Variants in SLC9A9 observed in about 807,000 individuals in gnomAD.
The protein encoded by SLC9A9 is solute carrier family 9 member A9.
Under a neutral mutation model 77.8 loss-of-function variants are expected in SLC9A9, and 62 were observed. The ratio of observed to expected loss-of-function variants is 0.80; its 90% CI spans 0.65 to 0.98. SLC9A9 has a LOEUF of 0.98. SLC9A9 is among the 50% of genes least tolerant of loss of function. SLC9A9 has a pLI of 0.00. For synonymous variants in SLC9A9, 320 were observed against 283.5 expected (o/e 1.13, Z -1.29); for missense variants, 775 against 774.9 (o/e 1.00, Z 0.00).
At chr3:143,555,215 A>C (rs573421246) in intron 8 of SLC9A9, among the ~76,000 whole-genome samples, 2 of 152,252 alleles carry the variant, frequency 1.3e-5, no homozygotes, top group East Asian at 3.9e-4. Flanking sequence ...CTTGGCTGTC[A>C]TATCTCTCTT....
At chr3:143,687,437 A>T (rs1189566224) in intron 5 of SLC9A9, among the ~76,000 whole-genome samples, 1 of 152,104 alleles carries the variant, frequency 6.6e-6, no homozygotes, top group Non-Finnish European at 1.5e-5. Context: ...TTTAGCAGAG[A>T]GTGGGTTCGG....
chr3:143,765,676 G>A (rs2007291081), intron 4 of SLC9A9, among the ~76,000 whole-genome samples: 3 of 152,150 alleles, frequency 2.0e-5, no homozygotes, highest in Admixed American at 6.6e-5. Flanking sequence ...CCTGGGCCCT[G>A]TACAGTCAAA....
intron 4 of SLC9A9, among the ~76,000 whole-genome samples, chr3:143,745,058 CT>C (rs1480262963): frequency 2.0e-5 from 3 of 152,172 alleles, no homozygotes; most frequent in Non-Finnish European, 4.4e-5. Context: ...ATGCCAGAAG[CT>C]TTTTAAAAAG....
In SLC9A9 at chr3:143,495,463, A is replaced by G. The variant is rs1419637694; in HGVS notation, c.1090-15T>C. 4 of 1,576,652 alleles carry G rather than the reference A, an allele frequency of 2.5e-6. No homozygotes were observed. The highest frequency in any genetic ancestry group is 1.3e-5 in the African/African-American group (1 of 74,166). On this transcript the variant is annotated splice_polypyrimidine_tract_variant and intron_variant, in intron 9 of 15. Coordinates refer to ENST00000316549, the MANE Select transcript of SLC9A9 (RefSeq NM_173653.4). Reference sequence around the variant, plus strand: ...AATTCAAACAACTGAAACAAAACATAAAACAAAAAACCATTAATTATAACT... The same window carrying G: ...AATTCAAACAACTGAAACAAAACATGAAACAAAAAACCATTAATTATAACT...
chr3:143,590,194 T>G (rs2108677412), intron 6 of SLC9A9, among the ~76,000 whole-genome samples: 1 of 152,332 alleles, frequency 6.6e-6, no homozygotes, highest in African/African-American at 2.4e-5. Context: ...TTAGAGTAAC[T>G]ACTTATCTGT....
chr3:143,743,134 G>C lies in SLC9A9; in HGVS notation c.534-49827C>G, dbSNP rs1228371466. 2.0e-5 allele frequency among the ~76,000 whole-genome samples: 3 copies of C among 151,992 alleles called. No individual in the cohort carries two copies. The South Asian group carries it at 6.3e-4, about 32-fold the overall frequency. ...TAACAGGCTCCACCAGTAGGAAAGG[G>C]ACATCAGTATTAGTCGGGGTTTTCC... On this transcript the variant is annotated intron_variant, in intron 4 of 15. Coordinates refer to ENST00000316549, the MANE Select transcript of SLC9A9 (RefSeq NM_173653.4).
intron 12 of SLC9A9, among the ~76,000 whole-genome samples, chr3:143,446,470 G>C (rs2108549109): frequency 6.6e-6 from 1 of 152,256 alleles, no homozygotes; most frequent in South Asian, 2.1e-4. Flanking sequence ...AGGTAAATGG[G>C]TTAGGGCACT....
intron 6 of SLC9A9, among the ~76,000 whole-genome samples, chr3:143,620,204 A>G (rs1348875124): frequency 1.3e-5 from 2 of 152,172 alleles, no homozygotes; most frequent in Non-Finnish European, 2.9e-5. Flanking sequence ...AAAATATACC[A>G]TATATCTGAT....
intron 6 of SLC9A9, among the ~76,000 whole-genome samples, chr3:143,589,008 C>T (rs1470948093): frequency 1.3e-5 from 2 of 152,138 alleles, no homozygotes; most frequent in African/African-American, 4.8e-5. Context: ...GGTTAATAGC[C>T]ACCAAAGATG....
intron 9 of SLC9A9, among the ~76,000 whole-genome samples, chr3:143,524,498 T>C (rs1158100232): frequency 6.6e-6 from 1 of 152,186 alleles, no homozygotes; most frequent in Non-Finnish European, 1.5e-5. Context: ...ATTTTCTTTT[T>C]TATAGGTCAA....
intron 1 of SLC9A9, among the ~76,000 whole-genome samples, chr3:143,843,301 C>A (rs887705770): frequency 9.2e-5 from 14 of 152,046 alleles, no homozygotes; most frequent in East Asian, 5.8e-4. Context: ...TCCTGAGGAA[C>A]CTGCAGGGAG....
intron 4 of SLC9A9, among the ~76,000 whole-genome samples, chr3:143,762,305 C>T (rs1168563146): frequency 6.6e-6 from 1 of 152,056 alleles, no homozygotes; most frequent in Admixed American, 6.6e-5. Flanking sequence ...CAAACCTGCA[C>T]GTTGTGCACA....
intron 14 of SLC9A9, among the ~76,000 whole-genome samples, chr3:143,277,975 TTAAGA>T (rs1205487584): frequency 6.6e-6 from 1 of 152,172 alleles, no homozygotes; most frequent in Non-Finnish European, 1.5e-5. Context: ...GAGCTCACAC[TTAAGA>T]TAAGGGTGGC....
chr3:143,773,188 G>T (rs760587351), intron 4 of SLC9A9, among the ~76,000 whole-genome samples: 1 of 152,008 alleles, frequency 6.6e-6, no homozygotes, highest in East Asian at 1.9e-4. Context: ...TGGCTTTTTG[G>T]GGGGAAAAGC....
chr3:143,311,571 T>C (rs2031019468), intron 14 of SLC9A9, among the ~76,000 whole-genome samples: 1 of 152,216 alleles, frequency 6.6e-6, no homozygotes, highest in Non-Finnish European at 1.5e-5. Flanking sequence ...CTTTTTATCT[T>C]ACAGAACAAA....
chr3:143,664,879 A>G (rs1172578659), intron 5 of SLC9A9, among the ~76,000 whole-genome samples: 2 of 152,226 alleles, frequency 1.3e-5, no homozygotes, highest in African/African-American at 4.8e-5. Flanking sequence ...CCCACACAAT[A>G]ATAATGGGAG....
At chr3:143,279,235 G>C (rs945962595) in intron 14 of SLC9A9, among the ~76,000 whole-genome samples, 1 of 152,118 alleles carries the variant, frequency 6.6e-6, no homozygotes, top group African/African-American at 2.4e-5. Context: ...TCTCAGAGCA[G>C]TGCCCCACAT....
intron 5 of SLC9A9, among the ~76,000 whole-genome samples, chr3:143,666,138 G>A (rs1177267814): frequency 1.3e-5 from 2 of 152,110 alleles, no homozygotes; most frequent in East Asian, 1.9e-4. Context: ...TATCCACCAC[G>A]ATCAAGTCAG....
At chr3:143,498,521 T>A (rs2035877184) in intron 9 of SLC9A9, among the ~76,000 whole-genome samples, 2 of 150,798 alleles carry the variant, frequency 1.3e-5, no homozygotes, top group South Asian at 4.2e-4. Flanking sequence ...ACCACTGCAC[T>A]CCAGCCTGGG....
Sources: allele counts gnomAD v4.1 joint callset (sites outside exome capture counted in the v4.1 genomes callset), GRCh38; gene constraint gnomAD v4.1.1; transcripts MANE v1.5; gene names NCBI Gene and HGNC (gene_info 2026-07-23, HGNC 2026-07-21).